The following MED1 variants were observed in gnomAD, a reference collection of about 807,000 sequenced individuals.
MED1 encodes the protein mediator of RNA polymerase II transcription subunit 1.
A neutral mutation model predicts 121.3 loss-of-function variants in MED1; 17 were observed. The ratio of observed to expected loss-of-function variants is 0.14; its 90% CI spans 0.10 to 0.21. MED1 has a LOEUF of 0.21. MED1 is among the 10% of genes least tolerant of loss of function. The pLI is 1.00. For synonymous variants in MED1, 661 were observed against 694.4 expected (o/e 0.95, Z 0.76); for missense variants, 1,558 against 1,919.4 (o/e 0.81, Z 3.52).
rs921714881 is a variant in MED1, at chr17:39,410,808, G to A, written c.1500-87C>T. On this transcript the variant is annotated intron_variant, in intron 16 of 16. Coordinates refer to ENST00000300651, the MANE Select transcript of MED1 (RefSeq NM_004774.4). ...TTAGATATAACATCAGAGTTTTGCAGTAAGCAGTTTTCAGGTAGGGCAAAT... is the reference window on the plus strand; with the variant it reads ...TTAGATATAACATCAGAGTTTTGCAATAAGCAGTTTTCAGGTAGGGCAAAT... 4.0e-6 allele frequency: 6 copies of A among 1,500,632 alleles called. No homozygotes were observed. The African/African-American group carries it at 7.0e-5, about 18-fold the overall frequency. 93.0% of individuals were successfully genotyped at this position (1,500,632 alleles called of 1,614,324 possible).
rs2144712222 is a variant in MED1, at chr17:39,408,132, T to G, written c.4089A>C (p.Ser1363=). The change falls in exon 17 of 17, where the codon TCA becomes TCC. Residue 1363 remains serine (S), a synonymous_variant. Transcript: ENST00000300651. The surrounding 1 kb of genome is among the most constrained non-coding windows in gnomAD (Gnocchi z 4.7). ...GKREKSDKDK[S]KVSTSGSSVD... is the part of the protein sequence containing the mutation. ...CTGAACTCCCGGAGGTGGAAACCTT[T>G]GATTTGTCTTTATCACTTTTCTCAC... 2 of 1,614,086 alleles carry G rather than the reference T, an allele frequency of 1.2e-6. No homozygotes were observed.
Position 39,436,369 on chromosome 17 carries a change from G to GA in MED1, c.429-2050dup, listed in dbSNP as rs10712248. Among the ~76,000 whole-genome samples the GA allele has an allele frequency of 1.9e-3, 218 of 114,896 alleles. 1 individual carries two copies. Among genetic ancestry groups the GA allele is most frequent in the Admixed American group, 3.4e-3 (37 of 10,786 alleles). The allele number at this position is 114,896 out of a possible 152,430, so 75.4% of individuals were successfully genotyped here. On this transcript the variant is annotated intron_variant, in intron 6 of 16. Transcript: ENST00000300651. ...GAGCAAGACTCCAACTCAAAAAAAAGAAAAAAAAAAAAAAAAAAGCTTTTG... is the reference window on the plus strand; with the variant it reads ...GAGCAAGACTCCAACTCAAAAAAAAGAAAAAAAAAAAAAAAAAAAGCTTTTG...
At position 39,408,541 on chromosome 17, in the gene MED1, G is replaced by A. The variant is rs144178898; in HGVS notation, c.3680C>T (p.Ser1227Leu). 1.2e-5 allele frequency: 19 copies of A among 1,614,106 alleles called. No individual in the cohort carries two copies. In the Middle Eastern group the frequency reaches 6.6e-4, roughly 56 times the overall value. ...AGACATATGAGAACCACCAGAACCT[G>A]AACTGATAGGGGACTTGGCTTTAGA... ...PSSKAKSPIS[S>L]GSGGSHMSGT... Residue 1227 changes from serine to leucine, a missense_variant, in exon 17 of 17, where the codon TCA becomes TTA. Physicochemically the swap from Ser to Leu is moderately radical, Grantham distance 145. Around this residue, in one of 5 missense-constraint regions of MED1, gnomAD observed 793 missense variants for 898.2 expected, o/e 0.88. Transcript: ENST00000300651. The surrounding 1 kb of genome is among the most constrained non-coding windows in gnomAD (Gnocchi z 4.7).
intron 2 of MED1, among the ~76,000 whole-genome samples, chr17:39,447,026 C>G (rs1304999274): frequency 1.3e-5 from 2 of 152,078 alleles, no homozygotes; most frequent in Non-Finnish European, 2.9e-5. Flanking sequence ...AATCCAAAAC[C>G]TTTTTAGCAT....
At chr17:39,448,696 G>A (rs1324567400) in intron 1 of MED1, among the ~76,000 whole-genome samples, 1 of 152,102 alleles carries the variant, frequency 6.6e-6, no homozygotes, top group Non-Finnish European at 1.5e-5. Flanking sequence ...GATCACCTGA[G>A]GTTGGGAATT....
intron 1 of MED1, among the ~76,000 whole-genome samples, chr17:39,448,543 T>G (rs2048750867): frequency 7.3e-6 from 1 of 137,706 alleles, no homozygotes; most frequent in Admixed American, 7.2e-5. Context: ...AGGGAGACAT[T>G]GTGTCAAAAA....
At chr17:39,437,874 C>T (rs935535527) in intron 6 of MED1, among the ~76,000 whole-genome samples, 1 of 151,676 alleles carries the variant, frequency 6.6e-6, no homozygotes, top group Non-Finnish European at 1.5e-5. Flanking sequence ...GCAGAGGATG[C>T]GGTGAGCCAA....
At position 39,419,910 on chromosome 17, in the gene MED1, A is replaced by T. The variant is rs61749873; in HGVS notation, c.1104T>A (p.Pro368=). ...TGAGGAAATAGCAGTGCTGCTGACC[A>T]GGAAGAGCCTGGGCAAAAAGAACAG... The part of the protein sequence containing the change: ...NHNMRFYAAL[P]GQQHCYFLNK... Residue 368 remains proline (P), a synonymous_variant, in exon 14 of 17, where the codon CCT becomes CCA. Transcript: ENST00000300651. The T allele has an allele frequency of 2.5e-6, 4 of 1,613,842 alleles. No homozygotes were observed. The highest frequency in any genetic ancestry group is 3.4e-6 in the Non-Finnish European group (4 of 1,179,836).
At chr17:39,421,002 TG>T (rs1326629001) in intron 13 of MED1, among the ~76,000 whole-genome samples, 1 of 151,680 alleles carries the variant, frequency 6.6e-6, no homozygotes, top group Non-Finnish European at 1.5e-5. Context: ...TTCACCATGT[TG>T]GCCAGGATGG....
rs1597879580 is a variant in MED1, at chr17:39,451,182, C to G, written c.-120G>C. The G allele has an allele frequency of 8.7e-7, 1 of 1,148,572 alleles. No individual in the cohort carries two copies. Among genetic ancestry groups the G allele is most frequent in the Non-Finnish European group, 1.3e-6 (1 of 785,178 alleles). The allele number at this position is 1,148,572 out of a possible 1,614,324, so 71.1% of individuals were successfully genotyped here. ...AGGGCACCAGCAGTCCCTACTCTTCCCGGGAAGGATCAATCTGAAGTCCCC... is the reference window on the plus strand; with the variant it reads ...AGGGCACCAGCAGTCCCTACTCTTCGCGGGAAGGATCAATCTGAAGTCCCC... On this transcript the variant is annotated 5_prime_UTR_variant, in exon 1 of 17. Transcript: ENST00000300651.
intron 16 of MED1, among the ~76,000 whole-genome samples, chr17:39,414,547 G>A (rs2048387822): frequency 6.7e-6 from 1 of 148,448 alleles, no homozygotes; most frequent in Non-Finnish European, 1.5e-5. Flanking sequence ...GTGTTAGCCA[G>A]GATGGTCTCA....
At chr17:39,435,547 C>G (rs1198113340) in intron 6 of MED1, among the ~76,000 whole-genome samples, 2 of 151,980 alleles carry the variant, frequency 1.3e-5, no homozygotes, top group African/African-American at 4.8e-5. Context: ...CTTGAGCAGA[C>G]ATTCTGTGAG....
intron 13 of MED1, among the ~76,000 whole-genome samples, chr17:39,420,257 T>C (rs1395861879): frequency 2.0e-5 from 3 of 149,474 alleles, no homozygotes; most frequent in Non-Finnish European, 4.4e-5. Context: ...TGGAGTGCAG[T>C]GGTGCGATCT....
chr17:39,419,500 C>T (rs777899975), intron 14 of MED1, among the ~76,000 whole-genome samples: 3 of 151,684 alleles, frequency 2.0e-5, no homozygotes, highest in Admixed American at 6.6e-5. Context: ...CCCCGCCTCC[C>T]GGGTTCAAGC....
chr17:39,446,314 G>GTGGCAGGGGCCTGTAGTCCCAGC (rs2048726563), intron 2 of MED1, among the ~76,000 whole-genome samples: 1 of 151,620 alleles, frequency 6.6e-6, no homozygotes, highest in Non-Finnish European at 1.5e-5. Flanking sequence ...GCCGGGAATA[G>GTGGCAGGGGCCTGTAGTCCCAGC]TGGCAGGGGC....
At chr17:39,424,794 A>G (rs1176814311) in intron 10 of MED1, 56 bp from the exon 11 acceptor site, 2 of 1,056,536 alleles carry the variant, frequency 1.9e-6, no homozygotes, top group African/African-American at 3.2e-5. Context: ...GATGGGAATC[A>G]CAGTATGTTT....
chr17:39,425,611 G>A (rs748856840), intron 10 of MED1, among the ~76,000 whole-genome samples: 1 of 152,064 alleles, frequency 6.6e-6, no homozygotes, highest in South Asian at 2.1e-4. Flanking sequence ...AGACCAGCCT[G>A]CAGAAGACGG....
intron 2 of MED1, among the ~76,000 whole-genome samples, chr17:39,444,955 A>T (rs2144773398): frequency 6.6e-6 from 1 of 152,272 alleles, no homozygotes; most frequent in East Asian, 1.9e-4. Flanking sequence ...TCTCTGAAAA[A>T]CATTCCAGTC....
intron 6 of MED1, among the ~76,000 whole-genome samples, chr17:39,435,721 A>T (rs1057463280): frequency 6.6e-6 from 1 of 151,968 alleles, no homozygotes; most frequent in Non-Finnish European, 1.5e-5. Context: ...TTTGAGACAG[A>T]GTCTCACTCT....
Sources: allele counts gnomAD v4.1 joint callset (sites outside exome capture counted in the v4.1 genomes callset), GRCh38; gene constraint gnomAD v4.1.1; regional missense constraint gnomAD v4.1.1; non-coding constraint Gnocchi (gnomAD v3.1); transcripts MANE v1.5; gene names NCBI Gene and HGNC (gene_info 2026-07-23, HGNC 2026-07-21).